The following NTNG2 variants were observed in gnomAD, a reference collection of about 807,000 sequenced individuals.
NTNG2 encodes netrin G2, also known as netrin-G2.
In NTNG2, 15 loss-of-function variants were observed where a neutral mutation model predicts 47.6. The ratio of observed to expected loss-of-function variants is 0.32; its 90% CI spans 0.21 to 0.49. The LOEUF is 0.49. Among genes scored for constraint, NTNG2 ranks in the 20% least tolerant of loss-of-function variants. The probability of loss-of-function intolerance (pLI) is 0.99; values close to 1 mark genes in which losing one functional copy is unlikely to be tolerated. For synonymous variants in NTNG2, 307 were observed against 324.6 expected, an observed-to-expected ratio of 0.95 and a Z score of 0.58; for missense variants, 578 against 764.6, an observed-to-expected ratio of 0.76 and a Z score of 2.88.
intron 2 of NTNG2, among the ~76,000 whole-genome samples, chr9:132,174,778 C>T (rs1473279357): frequency 2.6e-5 from 4 of 151,718 alleles, no homozygotes; most frequent in South Asian, 2.1e-4. Context: ...AAAAATTAGC[C>T]GGGTGTGGTG....
At chr9:132,177,388 G>A (rs1448713084) in intron 2 of NTNG2, among the ~76,000 whole-genome samples, 4 of 152,198 alleles carry the variant, frequency 2.6e-5, no homozygotes, top group African/African-American at 7.2e-5. Flanking sequence ...AAGGTCAGCA[G>A]TATTTACCCC....
At chr9:132,164,684 C>A (rs1835371621) in intron 1 of NTNG2, among the ~76,000 whole-genome samples, 1 of 152,250 alleles carries the variant, frequency 6.6e-6, no homozygotes, top group Admixed American at 6.5e-5. Flanking sequence ...GCCTTCAAGG[C>A]CAGGCAGGCT....
At chr9:132,167,152 C>A in intron 2 of NTNG2, 108 bp downstream of exon 2, 2 of 1,203,484 alleles carry the variant, frequency 1.7e-6, no homozygotes, top group Non-Finnish European at 2.4e-6. Context: ...GCAAGGCTGA[C>A]TTTCCTGCCT....
At chr9:132,170,854 C>T (rs375029497) in intron 2 of NTNG2, among the ~76,000 whole-genome samples, 6 of 152,280 alleles carry the variant, frequency 3.9e-5, no homozygotes, top group East Asian at 1.9e-4. Flanking sequence ...CCACAACTGC[C>T]GAGCCAGACT....
chr9:132,239,402 C>T (rs1175194125), intron 6 of NTNG2, 131 bp downstream of exon 6: 2 of 825,642 alleles, frequency 2.4e-6, no homozygotes, highest in East Asian at 5.3e-5. Flanking sequence ...AACTCCAGGG[C>T]CCTCTCCAGT....
rs1030168522 is a variant in NTNG2 at position 132,231,076 on chromosome 9, C to G, written c.1054+481C>G. On this transcript the variant is annotated intron_variant, in intron 5 of 7. Coordinates refer to ENST00000393229, the MANE Select transcript of NTNG2 (RefSeq NM_032536.4). This position sits in a 1 kb window ranked among gnomAD's most constrained non-coding sequence, Gnocchi z 4.1. ...GCCTAACCATGGGGGCAGCCTCCCTCTGGGCAGCCTCTGCAGCCAGCTTGT... is the reference window on the plus strand; with the variant it reads ...GCCTAACCATGGGGGCAGCCTCCCTGTGGGCAGCCTCTGCAGCCAGCTTGT... Among the ~76,000 whole-genome samples, 17 of 152,154 alleles carry G rather than the reference C, an allele frequency of 1.1e-4. No individual in the cohort carries two copies. The highest frequency in any genetic ancestry group is 1.1e-3 in the Admixed American group (17 of 15,286).
At chr9:132,190,218 G>C (rs1397844422) in intron 2 of NTNG2, among the ~76,000 whole-genome samples, 3 of 122,398 alleles carry the variant, frequency 2.5e-5, no homozygotes, top group East Asian at 2.4e-4. Context: ...GGGCGAAAGA[G>C]AGAGACTCCA....
At position 132,166,849 on chromosome 9, in the gene NTNG2, G is replaced by A. The variant is rs530408603; in HGVS notation, c.18G>A (p.Ala6=). 1.2e-5 allele frequency: 20 copies of A among 1,614,058 alleles called. No homozygotes were observed. Among genetic ancestry groups the A allele is most frequent in the South Asian group, 4.4e-5 (4 of 91,084 alleles). MLHLL[A]LFLHCLPLAS... is the part of the protein sequence containing the mutation. ...GCGCAGCCATGCTGCATCTGCTGGC[G>A]CTCTTCCTGCACTGCCTCCCTCTGG... Residue 6 remains alanine (A), a synonymous_variant, in exon 2 of 8, where the codon GCG becomes GCA. Transcript: ENST00000393229.
chr9:132,174,792 C>T (rs547791237), intron 2 of NTNG2, among the ~76,000 whole-genome samples: 11 of 151,988 alleles, frequency 7.2e-5, no homozygotes, highest in African/African-American at 1.7e-4. Flanking sequence ...TGTGGTGGCG[C>T]GCGCCTGTAA....
intron 2 of NTNG2, among the ~76,000 whole-genome samples, chr9:132,183,516 C>A (rs1837105802): frequency 6.6e-6 from 1 of 152,244 alleles, no homozygotes; most frequent in Non-Finnish European, 1.5e-5. Flanking sequence ...TGAAATCCCA[C>A]CTCCCCCAGG....
Position 132,241,528 on chromosome 9 carries a change from G to A in NTNG2, c.1358-348G>A, listed in dbSNP as rs532949035. 1.7e-5 allele frequency: 6 copies of A among 359,512 alleles called. No individual in the cohort carries two copies. The South Asian group carries it at 2.2e-4, about 13-fold the overall frequency. 22.3% of individuals were successfully genotyped at this position (359,512 alleles called of 1,614,324 possible). A position where few individuals can be genotyped will look rare whatever the true frequency, so the allele number is the denominator to read the frequency against. ...AGGTATTTGCGGGGACAGAGGGAGG[G>A]AGGCTGTCCAAGTCGGCGTTAGCCG... On this transcript the variant is annotated intron_variant, in intron 7 of 7. Transcript: ENST00000393229.
intron 3 of NTNG2, among the ~76,000 whole-genome samples, chr9:132,204,396 A>G (rs1727251289): frequency 6.6e-6 from 1 of 152,078 alleles, no homozygotes; most frequent in South Asian, 2.1e-4. Context: ...CTGGAGATGG[A>G]CGGACACCGG....
chr9:132,224,990 G>T (rs1840634497), intron 3 of NTNG2, among the ~76,000 whole-genome samples: 1 of 146,520 alleles, frequency 6.8e-6, no homozygotes, highest in South Asian at 2.2e-4. Flanking sequence ...TGGTGCAATG[G>T]CTCACTGCAA....
intron 4 of NTNG2, among the ~76,000 whole-genome samples, chr9:132,227,621 A>G (rs1840877000): frequency 6.6e-6 from 1 of 152,082 alleles, no homozygotes; most frequent in Admixed American, 6.5e-5. Context: ...AGCTTCCGTT[A>G]TCCCTTTTTA....
At chr9:132,175,991 T>A (rs1397550229) in intron 2 of NTNG2, among the ~76,000 whole-genome samples, 3 of 152,208 alleles carry the variant, frequency 2.0e-5, no homozygotes, top group African/African-American at 4.8e-5. Context: ...ATAATCATTT[T>A]AAAAAAGATT....
chr9:132,196,005 A>G (rs982432587), intron 2 of NTNG2, among the ~76,000 whole-genome samples: 21 of 151,820 alleles, frequency 1.4e-4, no homozygotes, highest in African/African-American at 4.1e-4. Context: ...TCCTGGGCTC[A>G]AGTGACCCTC....
intron 7 of NTNG2, chr9:132,241,588 G>A (rs1230358670): frequency 6.9e-6 from 3 of 433,106 alleles, no homozygotes; most frequent in East Asian, 4.4e-5. Flanking sequence ...CAGGCGCGTG[G>A]AACAGCACGT....
At position 132,231,214 on chromosome 9, in the gene NTNG2, G is replaced by A; in HGVS notation, c.1054+619G>A. 2.3e-6 allele frequency: 1 copy of A among 428,208 alleles called. No individual in the cohort carries two copies. 26.5% of individuals were successfully genotyped at this position (428,208 alleles called of 1,614,324 possible). On this transcript the variant is annotated intron_variant, in intron 5 of 7. Coordinates refer to ENST00000393229, the MANE Select transcript of NTNG2 (RefSeq NM_032536.4). This position sits in a 1 kb window ranked among gnomAD's most constrained non-coding sequence, Gnocchi z 4.1. ...TTCCCCAGGAGGGCGAGGGCGACAT[G>A]GCGCCCACAGGTTATCAGTAAATGT...
At chr9:132,235,128 G>A (rs1020088861) in intron 5 of NTNG2, among the ~76,000 whole-genome samples, 9 of 152,216 alleles carry the variant, frequency 5.9e-5, no homozygotes, top group African/African-American at 2.2e-4. Flanking sequence ...GAAGGTAGAA[G>A]GGCAGTGATC....
Sources: gnomAD v4.1 joint callset for allele counts (sites outside exome capture counted in the v4.1 genomes callset) on GRCh38, gnomAD v4.1.1 for gene constraint, Gnocchi (gnomAD v3.1) non-coding constraint, MANE v1.5 for transcripts, NCBI Gene and HGNC (gene_info 2026-07-23, HGNC 2026-07-21) for gene names.